HTR7: variants seen among roughly 807,000 people sequenced by gnomAD.
HTR7 encodes 5-HT-7.
In HTR7, 16 loss-of-function variants were observed where a neutral mutation model predicts 34.0. The ratio of observed to expected loss-of-function variants is 0.47; its 90% CI spans 0.32 to 0.71. HTR7 has a LOEUF of 0.71. HTR7 is among the 30% of genes least tolerant of loss of function. The pLI is 0.04. For missense variants in HTR7, 504 were observed against 625.5 expected (o/e 0.81, Z 2.07); for synonymous variants, 265 against 260.2 (o/e 1.02, Z -0.18).
chr10:90,744,817 T>G (rs1844609438), intron 2 of HTR7, among the ~76,000 whole-genome samples: 1 of 152,190 alleles, frequency 6.6e-6, no homozygotes, highest in African/African-American at 2.4e-5. Context: ...GCCTTTATAA[T>G]TTCATCTCAA....
chr10:90,764,822 T>C (rs796508862), intron 1 of HTR7, among the ~76,000 whole-genome samples: 3 of 152,178 alleles, frequency 2.0e-5, no homozygotes, highest in African/African-American at 4.8e-5. Context: ...TTGTGTCAAA[T>C]GCTTTTTATT....
chr10:90,767,419 T>C (rs1845041300), intron 1 of HTR7, among the ~76,000 whole-genome samples: 2 of 152,252 alleles, frequency 1.3e-5, no homozygotes, highest in Admixed American at 1.3e-4. Context: ...ATCTTTGCAC[T>C]ATGAATTCTC....
Position 90,805,125 on chromosome 10 carries a change from G to A in HTR7, c.539+52008C>T, listed in dbSNP as rs578159191. Among the ~76,000 whole-genome samples the A allele has an allele frequency of 3.9e-5, 6 of 152,270 alleles. No individual in the cohort carries two copies. In the South Asian group the frequency reaches 1.0e-3, roughly 26 times the overall value. The stretch of plus-strand genomic sequence containing the variant: ...AGGTCTTGACATTGGTGTGTGCACT[G>A]GCTGGTGAGTTGGGCAATAGCTACA... On this transcript the variant is annotated intron_variant, in intron 1 of 3. Transcript: ENST00000336152.
At chr10:90,759,631 C>T (rs1172799246) in intron 1 of HTR7, among the ~76,000 whole-genome samples, 6 of 140,484 alleles carry the variant, frequency 4.3e-5, no homozygotes, top group South Asian at 4.7e-4. Context: ...GTCCGCAGTC[C>T]GGCCTGGGCG....
chr10:90,809,196 C>T (rs182626295), intron 1 of HTR7, among the ~76,000 whole-genome samples: 176 of 152,302 alleles, frequency 1.2e-3, no homozygotes, highest in Admixed American at 2.9e-3. Context: ...TCCTGACACC[C>T]GGTCTGGCTT....
At chr10:90,823,984 C>A (rs1846028373) in intron 1 of HTR7, among the ~76,000 whole-genome samples, 1 of 152,200 alleles carries the variant, frequency 6.6e-6, no homozygotes, top group African/African-American at 2.4e-5. Flanking sequence ...GTCAATTAAA[C>A]CCCTTTTCTT....
Position 90,749,361 on chromosome 10 carries a change from A to C in HTR7, c.773T>G (p.Met258Arg). 1.9e-6 allele frequency: 3 copies of C among 1,614,198 alleles called. No homozygotes were observed. Among genetic ancestry groups the C allele is most frequent in the Non-Finnish European group, 2.5e-6 (3 of 1,180,040 alleles). ...FYIPMSVMLF[M>R]YYQIYKAARK... is the part of the protein sequence containing the mutation. ...GGCAGCCTTGTAAATCTGGTAGTAC[A>C]TGAAAAGCATGACGGACATGGGGAT... The change falls in exon 2 of 4, where the codon ATG becomes AGG. Residue 258 changes from methionine (M) to arginine (R), a missense_variant. Transcript: ENST00000336152. The surrounding 1 kb of genome is among the most constrained non-coding windows in gnomAD (Gnocchi z 4.2).
chr10:90,795,463 T>C (rs986494062), intron 1 of HTR7, among the ~76,000 whole-genome samples: 7 of 152,164 alleles, frequency 4.6e-5, no homozygotes, highest in Non-Finnish European at 4.4e-5. Context: ...CTCTGAATGA[T>C]AACAATGAAA....
At chr10:90,826,463 G>A (rs1589469406) in intron 1 of HTR7, among the ~76,000 whole-genome samples, 1 of 152,086 alleles carries the variant, frequency 6.6e-6, no homozygotes. Flanking sequence ...TAATAACACT[G>A]TAATTGTGGT....
At chr10:90,822,976 A>C (rs1846010137) in intron 1 of HTR7, among the ~76,000 whole-genome samples, 1 of 152,218 alleles carries the variant, frequency 6.6e-6, no homozygotes, top group South Asian at 2.1e-4. Context: ...GGGAGCCTCC[A>C]CCTAGATCTC....
At chr10:90,792,197 G>A (rs1845469237) in intron 1 of HTR7, among the ~76,000 whole-genome samples, 1 of 152,128 alleles carries the variant, frequency 6.6e-6, no homozygotes, top group East Asian at 1.9e-4. Flanking sequence ...TTGCCTTCCA[G>A]TCCAACATCA....
intron 1 of HTR7, among the ~76,000 whole-genome samples, chr10:90,850,350 C>T (rs1305562288): frequency 3.9e-5 from 6 of 152,232 alleles, no homozygotes; most frequent in South Asian, 2.1e-4. Context: ...TCTAACAGAA[C>T]TAAAATACAG....
intron 1 of HTR7, among the ~76,000 whole-genome samples, chr10:90,753,993 G>T (rs1446433528): frequency 1.3e-5 from 2 of 152,002 alleles, no homozygotes; most frequent in Non-Finnish European, 2.9e-5. Flanking sequence ...TACCTGAGAT[G>T]AAGAAATTTT....
chr10:90,765,306 A>G (rs1162766999), intron 1 of HTR7, among the ~76,000 whole-genome samples: 2 of 152,128 alleles, frequency 1.3e-5, no homozygotes, highest in African/African-American at 4.8e-5. Flanking sequence ...GGCTACCCCT[A>G]GAAGTATCCC....
intron 1 of HTR7, among the ~76,000 whole-genome samples, chr10:90,779,222 C>G (rs185788282): frequency 4.3e-4 from 66 of 152,286 alleles, no homozygotes; most frequent in African/African-American, 1.5e-3. Flanking sequence ...TCCTTCTCCC[C>G]CTTTGGAGCA....
rs1217702270 is a variant in HTR7 at position 90,858,006 on chromosome 10, C to G, written c.-335G>C. The stretch of plus-strand genomic sequence containing the variant: ...AGCAGCAGCTCGGCTGCGCCGAGAG[C>G]GCCCGGGCGGCAGCGGCAGAAGTTG... On this transcript the variant is annotated 5_prime_UTR_variant, in exon 1 of 4. Coordinates refer to ENST00000336152, the MANE Select transcript of HTR7 (RefSeq NM_019859.4). Among the ~76,000 whole-genome samples, 13 of 150,002 alleles carry G rather than the reference C, an allele frequency of 8.7e-5. No homozygotes were observed. Among genetic ancestry groups the G allele is most frequent in the Non-Finnish European group, 1.6e-4 (11 of 67,324 alleles).
At position 90,749,809 on chromosome 10, in the gene HTR7, G is replaced by A. The variant is rs990385296; in HGVS notation, c.540-215C>T. On this transcript the variant is annotated intron_variant, in intron 1 of 3. Coordinates refer to ENST00000336152, the MANE Select transcript of HTR7 (RefSeq NM_019859.4). The surrounding 1 kb of genome is among the most constrained non-coding windows in gnomAD (Gnocchi z 4.2). ...GGCATTGCCAGATTGTAGCCTGAGA[G>A]CCCTCTGACTCTAAAGTCAGTCCAT... Among the ~76,000 whole-genome samples the A allele has an allele frequency of 1.3e-5, 2 of 152,156 alleles. No individual in the cohort carries two copies. Among genetic ancestry groups the A allele is most frequent in the African/African-American group, 4.8e-5 (2 of 41,430 alleles).
intron 1 of HTR7, among the ~76,000 whole-genome samples, chr10:90,775,021 C>T (rs995273970): frequency 5.9e-5 from 9 of 152,086 alleles, no homozygotes; most frequent in African/African-American, 1.4e-4. Flanking sequence ...CTCTAAATAA[C>T]GAAGAAGATG....
At position 90,847,094 on chromosome 10, in the gene HTR7, C is replaced by T. The variant is rs144033669; in HGVS notation, c.539+10039G>A. On this transcript the variant is annotated intron_variant, in intron 1 of 3. Coordinates refer to ENST00000336152, the MANE Select transcript of HTR7 (RefSeq NM_019859.4). The stretch of plus-strand genomic sequence containing the variant: ...ACACACATAGATATAAATAAATACA[C>T]AATATTTGAACAAGCTTTGAACACA... 1.2e-4 allele frequency among the ~76,000 whole-genome samples: 18 copies of T among 152,258 alleles called. No homozygotes were observed. The East Asian group carries it at 3.5e-3, about 29-fold the overall frequency.
Sources: allele counts gnomAD v4.1 joint callset (sites outside exome capture counted in the v4.1 genomes callset), GRCh38; gene constraint gnomAD v4.1.1; non-coding constraint Gnocchi (gnomAD v3.1); transcripts MANE v1.5; gene names NCBI Gene and HGNC (gene_info 2026-07-23, HGNC 2026-07-21).